BRWD1: variants seen among roughly 807,000 people sequenced by gnomAD.
BRWD1 encodes bromodomain and WD repeat-containing protein 1.
Under a neutral mutation model 251.2 loss-of-function variants are expected in BRWD1, and 82 were observed. The ratio of observed to expected loss-of-function variants is 0.33; its 90% CI spans 0.27 to 0.39. The LOEUF (loss-of-function observed/expected upper bound fraction) is 0.39, where lower values mean the gene tolerates loss of function less well. Among genes scored for constraint, BRWD1 ranks in the 10% least tolerant of loss-of-function variants. The probability of loss-of-function intolerance (pLI) is 1.00; values close to 1 mark genes in which losing one functional copy is unlikely to be tolerated. For synonymous variants in BRWD1, 918 were observed against 902.8 expected, an observed-to-expected ratio of 1.02 and a Z score of -0.30; for missense variants, 2,233 against 2,711.6, an observed-to-expected ratio of 0.82 and a Z score of 3.92.
intron 4 of BRWD1, among the ~76,000 whole-genome samples, chr21:39,301,979 T>G (rs1198295237): frequency 7.3e-5 from 3 of 40,924 alleles, no homozygotes; most frequent in Admixed American, 2.9e-4. Flanking sequence ...GCTTTGTGTG[T>G]TTTTTTTTTT....
chr21:39,284,222 T>C (rs1285763815), intron 8 of BRWD1, among the ~76,000 whole-genome samples: 2 of 152,206 alleles, frequency 1.3e-5, no homozygotes, highest in Admixed American at 6.5e-5. Flanking sequence ...CTCATGCTTA[T>C]AAAGCCCAGT....
chr21:39,225,981 AATT>A (rs767170550), intron 27 of BRWD1, among the ~76,000 whole-genome samples: 2 of 152,180 alleles, frequency 1.3e-5, no homozygotes, highest in African/African-American at 2.4e-5. Flanking sequence ...AATAATAATA[AATT>A]ATTGTCATAA....
At chr21:39,249,952 GTGTGTA>G (rs1183737124) in intron 20 of BRWD1, among the ~76,000 whole-genome samples, 11 of 136,098 alleles carry the variant, frequency 8.1e-5, no homozygotes, top group Non-Finnish European at 1.5e-4. Flanking sequence ...GTGTGTGTGT[GTGTGTA>G]TACACACACA....
chr21:39,217,710 AAAT>A lies in BRWD1; in HGVS notation c.3659+439_3659+441del, dbSNP rs571809191. ...ATTAAAATAGAAGGTCTTATTGTTC[AAAT>A]AATAAAACACAACATTTACTGAGGC... On this transcript the variant is annotated intron_variant, in intron 31 of 40. Coordinates refer to ENST00000342449, the MANE Select transcript of BRWD1 (RefSeq NM_033656.4). Among the ~76,000 whole-genome samples the A allele has an allele frequency of 7.2e-4, 109 of 152,346 alleles. 2 individuals are homozygous for A. The South Asian group carries it at 0.022, about 31-fold the overall frequency.
intron 10 of BRWD1, among the ~76,000 whole-genome samples, chr21:39,278,260 C>A (rs1470712458): frequency 6.6e-6 from 1 of 152,100 alleles, no homozygotes; most frequent in Non-Finnish European, 1.5e-5. Flanking sequence ...ACATACCTAA[C>A]CCTAGCTTGT....
At chr21:39,215,402 G>C (rs1269368127) in intron 31 of BRWD1, 40 bp from the exon 32 acceptor site, 1 of 1,576,828 alleles carries the variant, frequency 6.3e-7, no homozygotes, top group South Asian at 1.1e-5. Flanking sequence ...TAGAAAATGA[G>C]AAGATAGAAA....
At chr21:39,221,916 G>A (rs943440914) in intron 29 of BRWD1, among the ~76,000 whole-genome samples, 1 of 150,480 alleles carries the variant, frequency 6.6e-6, no homozygotes, top group Non-Finnish European at 1.5e-5. Flanking sequence ...AAAAAAGAAA[G>A]AAAGAAAAAA....
chr21:39,319,594 A>G (rs966022103), intron 1 of BRWD1, among the ~76,000 whole-genome samples: 5 of 152,234 alleles, frequency 3.3e-5, no homozygotes, highest in African/African-American at 1.2e-4. Context: ...TTTATTGGAT[A>G]TGTTTGTATG....
chr21:39,210,632 G>GT (rs1290536111), intron 35 of BRWD1, among the ~76,000 whole-genome samples, 154 bp downstream of exon 35: 1 of 152,112 alleles, frequency 6.6e-6, no homozygotes, highest in Non-Finnish European at 1.5e-5. Context: ...AGAAAACTAT[G>GT]TAAAAACAAT....
At chr21:39,230,105 A>G (rs189092375) in intron 25 of BRWD1, among the ~76,000 whole-genome samples, 5 of 152,202 alleles carry the variant, frequency 3.3e-5, no homozygotes, top group African/African-American at 7.2e-5. Context: ...CTACTTATTC[A>G]TAAGTGTTCT....
intron 20 of BRWD1, among the ~76,000 whole-genome samples, chr21:39,248,790 G>C (rs1026589292): frequency 6.6e-6 from 1 of 151,894 alleles, no homozygotes; most frequent in East Asian, 1.9e-4. Flanking sequence ...AACCACTGTG[G>C]AAAGCAGTTT....
In BRWD1 at chr21:39,277,717, G is replaced by A. The variant is rs150541600; in HGVS notation, c.1004-366C>T. ...TAGCTGGGATTACAGGAGCACACCA[G>A]CATGCCCAGCTAATTTTTTGTATTT... is the stretch of plus-strand genomic sequence containing the variant. On this transcript the variant is annotated intron_variant, in intron 10 of 40. Coordinates refer to ENST00000342449, the MANE Select transcript of BRWD1 (RefSeq NM_033656.4). Among the ~76,000 whole-genome samples, 478 of 152,022 alleles carry A rather than the reference G, an allele frequency of 3.1e-3. 3 individuals carry two copies. Among genetic ancestry groups the A allele is most frequent in the African/African-American group, 0.011 (458 of 41,476 alleles).
chr21:39,220,660 GT>G (rs2033140200), intron 29 of BRWD1, among the ~76,000 whole-genome samples: 1 of 152,146 alleles, frequency 6.6e-6, no homozygotes, highest in African/African-American at 2.4e-5. Flanking sequence ...TGGCACATAT[GT>G]TAGAATTAGC....
At chr21:39,294,571 T>C (rs1369345072) in intron 7 of BRWD1, among the ~76,000 whole-genome samples, 1 of 150,516 alleles carries the variant, frequency 6.6e-6, no homozygotes, top group Non-Finnish European at 1.5e-5. Context: ...AGGAGAATTG[T>C]GTGAACCCAG....
chr21:39,222,066 G>A (rs2033199284), intron 29 of BRWD1, among the ~76,000 whole-genome samples: 1 of 151,920 alleles, frequency 6.6e-6, no homozygotes, highest in South Asian at 2.1e-4. Flanking sequence ...AAGTATCCAG[G>A]ATGTGAAAAA....
intron 8 of BRWD1, among the ~76,000 whole-genome samples, chr21:39,293,419 GGAGGCA>G (rs2035871126): frequency 6.6e-6 from 1 of 151,746 alleles, no homozygotes; most frequent in Admixed American, 6.6e-5. Flanking sequence ...CTTGAACCCA[GGAGGCA>G]GAGGTTGCAG....
rs56801824 is a variant in BRWD1 at position 39,244,921 on chromosome 21, A to AATATATAT, written c.2481+2772_2481+2779dup. ...AGTTACATATAGAAACTTTGGAAGA[A>AATATATAT]ATATATATATATATATATATATATG... On this transcript the variant is annotated intron_variant, in intron 21 of 40. Transcript: ENST00000342449. 5.7e-3 allele frequency among the ~76,000 whole-genome samples: 636 copies of AATATATAT among 112,534 alleles called. 22 individuals carry two copies. Among genetic ancestry groups the AATATATAT allele is most frequent in the African/African-American group, 0.012 (405 of 33,502 alleles). The allele number at this position is 112,534 out of a possible 152,430, so 73.8% of individuals were successfully genotyped here.
intron 13 of BRWD1, among the ~76,000 whole-genome samples, chr21:39,270,930 T>C (rs530045234): frequency 2.0e-5 from 3 of 152,240 alleles, no homozygotes; most frequent in Admixed American, 6.5e-5. Context: ...TCCTACAGTC[T>C]ACTCCTACAG....
At chr21:39,282,111 A>T (rs967395315) in intron 8 of BRWD1, among the ~76,000 whole-genome samples, 1 of 151,768 alleles carries the variant, frequency 6.6e-6, no homozygotes, top group African/African-American at 2.4e-5. Flanking sequence ...CATATATATA[A>T]AATAAAATAA....
Sources: gnomAD v4.1 joint callset for allele counts (sites outside exome capture counted in the v4.1 genomes callset) on GRCh38, gnomAD v4.1.1 for gene constraint, MANE v1.5 for transcripts, NCBI Gene and HGNC (gene_info 2026-07-23, HGNC 2026-07-21) for gene names.